Variants in ROBO2 observed in about 807,000 individuals in gnomAD.
ROBO2 encodes the protein roundabout homolog 2.
A neutral mutation model predicts 160.8 loss-of-function variants in ROBO2; 53 were observed. The ratio of observed to expected loss-of-function variants is 0.33; its 90% CI spans 0.26 to 0.41. The LOEUF (loss-of-function observed/expected upper bound fraction) is 0.41. ROBO2 is among the 10% of genes least tolerant of loss of function. The pLI, the probability that ROBO2 is intolerant of heterozygous loss-of-function variation, is 1.00. For synonymous variants in ROBO2, 664 were observed against 611.7 expected (o/e 1.09, Z -1.26); for missense variants, 1,577 against 1,722.4 (o/e 0.92, Z 1.49).
chr3:76,649,357 A>G (rs2091144884), intron 2 of ROBO2, among the ~76,000 whole-genome samples: 1 of 152,188 alleles, frequency 6.6e-6, no homozygotes, highest in African/African-American at 2.4e-5. Context: ...TTCAGAATAA[A>G]CTTAATTTAT....
At chr3:76,413,310 G>T (rs1057297219) in intron 2 of ROBO2, among the ~76,000 whole-genome samples, 1 of 152,210 alleles carries the variant, frequency 6.6e-6, no homozygotes, top group East Asian at 1.9e-4. Context: ...AACATATCAT[G>T]TCACCAAATG....
intron 11 of ROBO2, chr3:77,564,323 C>T: frequency 5.6e-6 from 2 of 357,058 alleles, no homozygotes; most frequent in South Asian, 4.3e-5. Context: ...AATGGGTCCT[C>T]ACACACAAAT....
chr3:76,482,767 A>C (rs2107357668), intron 2 of ROBO2, among the ~76,000 whole-genome samples: 1 of 152,272 alleles, frequency 6.6e-6, no homozygotes, highest in East Asian at 1.9e-4. Flanking sequence ...CTTATGGGTT[A>C]TCTTCCATTG....
intron 2 of ROBO2, among the ~76,000 whole-genome samples, chr3:77,343,541 T>C (rs2067298341): frequency 6.6e-6 from 1 of 152,158 alleles, no homozygotes; most frequent in African/African-American, 2.4e-5. Context: ...TGCCCAACCA[T>C]ATGCAGGGGG....
intron 2 of ROBO2, among the ~76,000 whole-genome samples, chr3:76,433,449 C>T (rs1404888539): frequency 6.6e-6 from 1 of 152,082 alleles, no homozygotes; most frequent in Admixed American, 6.6e-5. Flanking sequence ...ATCTGGCAAC[C>T]TTACCTTAAA....
intron 2 of ROBO2, among the ~76,000 whole-genome samples, chr3:77,179,471 A>G (rs2080488517): frequency 6.6e-6 from 1 of 152,230 alleles, no homozygotes; most frequent in East Asian, 1.9e-4. Context: ...TTGAAAAAAA[A>G]TACTGTGGTA....
chr3:76,603,351 A>AAAAATATATAT (rs1553826368), intron 2 of ROBO2, among the ~76,000 whole-genome samples: 1 of 26,406 alleles, frequency 3.8e-5, no homozygotes, highest in African/African-American at 2.4e-4. Context: ...AAAAAAAAAA[A>AAAAATATATAT]ATATATATAT....
chr3:76,690,683 A>G (rs2092782790), intron 2 of ROBO2, among the ~76,000 whole-genome samples: 1 of 152,114 alleles, frequency 6.6e-6, no homozygotes, highest in Admixed American at 6.6e-5. Flanking sequence ...CCTCTAGATG[A>G]AAAGAGCTAT....
chr3:77,005,018 T>C (rs2061507919), intron 2 of ROBO2, among the ~76,000 whole-genome samples: 1 of 150,522 alleles, frequency 6.6e-6, no homozygotes, highest in African/African-American at 2.5e-5. Flanking sequence ...CGAAAAACCA[T>C]GGCTTCGGGG....
At chr3:76,930,221 G>C (rs775865743) in intron 2 of ROBO2, among the ~76,000 whole-genome samples, 17 of 151,878 alleles carry the variant, frequency 1.1e-4, no homozygotes, top group Non-Finnish European at 1.9e-4. Flanking sequence ...ATGCCAGGCT[G>C]GTCTCGAACT....
chr3:76,451,291 C>A (rs1355154882), intron 2 of ROBO2, among the ~76,000 whole-genome samples: 2 of 152,144 alleles, frequency 1.3e-5, no homozygotes, highest in Non-Finnish European at 2.9e-5. Context: ...TACATGAACA[C>A]AAACAGCATT....
intron 2 of ROBO2, among the ~76,000 whole-genome samples, chr3:77,373,199 T>G (rs1352133432): frequency 1.4e-5 from 2 of 147,824 alleles, no homozygotes; most frequent in Non-Finnish European, 3.0e-5. Flanking sequence ...AAAATTATTA[T>G]ATAATAAAAT....
chr3:76,689,042 A>G (rs2092743712), intron 2 of ROBO2, among the ~76,000 whole-genome samples: 1 of 152,114 alleles, frequency 6.6e-6, no homozygotes, highest in African/African-American at 2.4e-5. Flanking sequence ...CAAATGATTG[A>G]AAAATAATAC....
intron 2 of ROBO2, among the ~76,000 whole-genome samples, chr3:76,458,261 T>G (rs1292336154): frequency 1.3e-5 from 2 of 152,140 alleles, no homozygotes; most frequent in African/African-American, 4.8e-5. Flanking sequence ...AATTTCTTCC[T>G]CCAGATACTC....
At position 76,273,667 on chromosome 3, in the gene ROBO2, C is replaced by A. The variant is rs1707743230; in HGVS notation, c.109+336065C>A. On this transcript the variant is annotated intron_variant, in intron 2 of 26. Coordinates refer to the ROBO2 transcript ENST00000487694. Reference sequence around the variant, plus strand: ...TCACTCACGATCATGAGAACTCACTCATCATCATGAGAACTCACTCACCAT... The same window carrying A: ...TCACTCACGATCATGAGAACTCACTAATCATCATGAGAACTCACTCACCAT... 2.0e-5 allele frequency among the ~76,000 whole-genome samples: 3 copies of A among 152,056 alleles called. No individual in the cohort carries two copies. In the South Asian group the frequency reaches 6.2e-4, roughly 31 times the overall value.
In ROBO2 at chr3:77,374,169, C is replaced by CAAAAAA. The variant is rs60357417; in HGVS notation, c.389-103216_389-103211dup. On this transcript the variant is annotated intron_variant, in intron 2 of 25. Coordinates refer to ENST00000461745, the Ensembl canonical transcript of ROBO2. Reference sequence around the variant, plus strand: ...CAGGCCGACAACAGCGAGACTCCATCAAAAAAAAAAAAAAAAAAAAAAAAA... The same window carrying CAAAAAA: ...CAGGCCGACAACAGCGAGACTCCATCAAAAAAAAAAAAAAAAAAAAAAAAAAAAAAA... Among the ~76,000 whole-genome samples, 35 of 40,108 alleles carry CAAAAAA rather than the reference C, an allele frequency of 8.7e-4. 3 individuals are homozygous for CAAAAAA. The highest frequency in any genetic ancestry group is 4.7e-3 in the African/African-American group (32 of 6,760). The allele number at this position is 40,108 out of a possible 152,430, so 26.3% of individuals were successfully genotyped here. A position where few individuals can be genotyped will look rare whatever the true frequency, so the allele number is the denominator to read the frequency against.
chr3:76,255,981 G>A (rs1878209), intron 2 of ROBO2, among the ~76,000 whole-genome samples: 6,283 of 151,986 alleles, frequency 0.041, 154 homozygotes, highest in Middle Eastern at 0.085. Flanking sequence ...GTATCATATG[G>A]TATGAGTTGC....
chr3:76,567,652 T>C (rs1293139895), intron 2 of ROBO2, among the ~76,000 whole-genome samples: 37 of 63,962 alleles, frequency 5.8e-4, no homozygotes, highest in South Asian at 1.8e-3. Context: ...TATATATATA[T>C]ACACATACAC....
At chr3:76,806,738 A>C (rs558768569) in intron 2 of ROBO2, among the ~76,000 whole-genome samples, 1 of 152,126 alleles carries the variant, frequency 6.6e-6, no homozygotes, top group East Asian at 1.9e-4. Flanking sequence ...GTACTGAAAT[A>C]ATAAGCTTTT....
Sources: gnomAD v4.1 joint callset for allele counts (sites outside exome capture counted in the v4.1 genomes callset) on GRCh38, gnomAD v4.1.1 for gene constraint, MANE v1.5 for transcripts, NCBI Gene and HGNC (gene_info 2026-07-23, HGNC 2026-07-21) for gene names.